MAPK8: variants seen among roughly 807,000 people sequenced by gnomAD.
The protein encoded by MAPK8 is mitogen-activated protein kinase 8.
In MAPK8, 13 loss-of-function variants were observed where a neutral mutation model predicts 52.9. The observed-to-expected ratio is 0.25, with a 90% CI of 0.16 to 0.39. The LOEUF is 0.39. Among genes scored for constraint, MAPK8 ranks in the 10% least tolerant of loss-of-function variants. MAPK8 has a pLI of 1.00. For synonymous variants in MAPK8, 191 were observed against 169.8 expected, an observed-to-expected ratio of 1.12 and a Z score of -0.97; for missense variants, 300 against 519.2, an observed-to-expected ratio of 0.58 and a Z score of 4.10.
chr10:48,373,422 A>T (rs2040444202), intron 1 of MAPK8, among the ~76,000 whole-genome samples: 1 of 151,942 alleles, frequency 6.6e-6, no homozygotes, highest in African/African-American at 2.4e-5. Context: ...AAATGCCTCC[A>T]TTAAAAGACA....
intron 1 of MAPK8, among the ~76,000 whole-genome samples, chr10:48,308,961 A>G (rs1005650304): frequency 6.6e-6 from 1 of 152,208 alleles, no homozygotes; most frequent in Non-Finnish European, 1.5e-5. Flanking sequence ...TGAGTTTCTT[A>G]TTATTTGCTG....
At chr10:48,401,902 A>G in intron 2 of MAPK8, 120 bp downstream of exon 2, 2 of 787,256 alleles carry the variant, frequency 2.5e-6, no homozygotes, top group Non-Finnish European at 3.6e-6. Context: ...TAAAACTAAA[A>G]ATTAAACGAA....
Position 48,427,016 on chromosome 10 carries a change from A to G in MAPK8, c.997-64A>G, listed in dbSNP as rs76341585. Reference sequence around the variant, plus strand: ...GTCATCTGTGTGGCTAATATTTCAAATAACTACAGAGTTAAAATACTCCCA... The same window carrying G: ...GTCATCTGTGTGGCTAATATTTCAAGTAACTACAGAGTTAAAATACTCCCA... On this transcript the variant is annotated intron_variant, in intron 9 of 11. Coordinates refer to ENST00000374189, the MANE Select transcript of MAPK8 (RefSeq NM_001323329.2). 5.4e-4 allele frequency: 653 copies of G among 1,204,704 alleles called. 8 individuals are homozygous for G. In the East Asian group the frequency reaches 0.013, roughly 25 times the overall value. The allele number at this position is 1,204,704 out of a possible 1,614,324, so 74.6% of individuals were successfully genotyped here. A position where few individuals can be genotyped will look rare whatever the true frequency, so the allele number is the denominator to read the frequency against.
At chr10:48,324,955 G>GTTTTTTTGTTTT (rs1250332056) in intron 1 of MAPK8, among the ~76,000 whole-genome samples, 7 of 23,076 alleles carry the variant, frequency 3.0e-4, no homozygotes, top group African/African-American at 1.6e-3. Context: ...TGCAAATGGT[G>GTTTTTTTGTTTT]TTTTTTTGTT....
intron 1 of MAPK8, among the ~76,000 whole-genome samples, chr10:48,320,585 C>T (rs568601508): frequency 3.3e-5 from 5 of 152,038 alleles, no homozygotes; most frequent in Non-Finnish European, 7.4e-5. Context: ...TACGATATGC[C>T]ACATTTTATT....
intron 1 of MAPK8, among the ~76,000 whole-genome samples, chr10:48,331,917 A>G (rs1318908149): frequency 6.6e-6 from 1 of 152,050 alleles, no homozygotes; most frequent in Non-Finnish European, 1.5e-5. Flanking sequence ...TAGTTTCTAG[A>G]TTAGTTTGGT....
At chr10:48,425,500 A>T (rs2043624658) in intron 7 of MAPK8, 1 of 351,090 alleles carries the variant, frequency 2.8e-6, no homozygotes, top group Non-Finnish European at 5.1e-6. Flanking sequence ...AGATATAATC[A>T]TGTTTTCTGA....
At chr10:48,313,146 A>G (rs952183419) in intron 1 of MAPK8, among the ~76,000 whole-genome samples, 1 of 152,176 alleles carries the variant, frequency 6.6e-6, no homozygotes, top group Admixed American at 6.5e-5. Context: ...AAAAATACAG[A>G]CATAGGCCAG....
chr10:48,410,671 C>T (rs896193871), intron 5 of MAPK8, among the ~76,000 whole-genome samples: 1 of 152,192 alleles, frequency 6.6e-6, no homozygotes, highest in African/African-American at 2.4e-5. Context: ...AGTGCTGAGT[C>T]ATATGGTGAT....
chr10:48,330,394 A>G (rs1300457178), intron 1 of MAPK8, among the ~76,000 whole-genome samples: 1 of 152,156 alleles, frequency 6.6e-6, no homozygotes, highest in Admixed American at 6.5e-5. Context: ...TGCCTTTTTC[A>G]TGTCTGTTCT....
At chr10:48,403,574 A>C (rs1490447931) in intron 2 of MAPK8, among the ~76,000 whole-genome samples, 2 of 152,148 alleles carry the variant, frequency 1.3e-5, no homozygotes, top group Admixed American at 6.5e-5. Flanking sequence ...AATATCAAAA[A>C]TTATAGAAGT....
At chr10:48,421,685 A>G (rs548859521) in intron 6 of MAPK8, among the ~76,000 whole-genome samples, 1 of 152,242 alleles carries the variant, frequency 6.6e-6, no homozygotes, top group Admixed American at 6.5e-5. Flanking sequence ...CACACCTGTA[A>G]TCCCAGCTAT....
chr10:48,308,108 C>CGTAA (rs1448243475), intron 1 of MAPK8: 27 of 152,252 alleles, frequency 1.8e-4, no homozygotes, highest in African/African-American at 6.3e-4. Context: ...TGCAGCCTTA[C>CGTAA]AGTCATTTGT....
At chr10:48,376,628 A>G (rs1440166030) in intron 1 of MAPK8, among the ~76,000 whole-genome samples, 1 of 152,236 alleles carries the variant, frequency 6.6e-6, no homozygotes, top group Non-Finnish European at 1.5e-5. Context: ...CATATGAAAA[A>G]ATGCTCATCA....
chr10:48,324,530 A>G (rs764017361), intron 1 of MAPK8, among the ~76,000 whole-genome samples: 1 of 79,410 alleles, frequency 1.3e-5, no homozygotes, highest in African/African-American at 7.6e-5. Flanking sequence ...TACACTCATG[A>G]TATTGGCTTC....
intron 1 of MAPK8, among the ~76,000 whole-genome samples, chr10:48,356,520 A>G (rs1390093606): frequency 6.6e-6 from 1 of 152,136 alleles, no homozygotes; most frequent in African/African-American, 2.4e-5. Flanking sequence ...AGCCCCAATT[A>G]GTTTGAGTGG....
intron 10 of MAPK8, among the ~76,000 whole-genome samples, chr10:48,427,876 A>C (rs1004609610): frequency 6.6e-6 from 1 of 152,154 alleles, no homozygotes. Flanking sequence ...TGCTGTATGA[A>C]TATGTCACAC....
At chr10:48,343,426 A>G (rs539177393) in intron 1 of MAPK8, among the ~76,000 whole-genome samples, 1 of 152,202 alleles carries the variant, frequency 6.6e-6, no homozygotes, top group Admixed American at 6.5e-5. Context: ...ATCCAGGACA[A>G]TCTCATCTCA....
intron 1 of MAPK8, among the ~76,000 whole-genome samples, chr10:48,355,508 C>CA (rs67368546): frequency 0.067 from 7,555 of 113,378 alleles, 590 homozygotes; most frequent in African/African-American, 0.18. Flanking sequence ...GATTCCGTCT[C>CA]AAAAAAAAAA....
Sources: allele counts gnomAD v4.1 joint callset (sites outside exome capture counted in the v4.1 genomes callset), GRCh38; gene constraint gnomAD v4.1.1; transcripts MANE v1.5; gene names NCBI Gene and HGNC (gene_info 2026-07-23, HGNC 2026-07-21).